The following ZBTB32 variants were observed in gnomAD, a reference collection of about 807,000 sequenced individuals.
ZBTB32 encodes zinc finger and BTB domain containing 32, also known as zinc finger and BTB domain-containing protein 32.
Under a neutral mutation model 45.3 loss-of-function variants are expected in ZBTB32, and 28 were observed. The observed-to-expected ratio is 0.62, with a 90% confidence interval of 0.46 to 0.85. ZBTB32 has a LOEUF of 0.85. Ranked by LOEUF, ZBTB32 falls within the 40% of genes least tolerant of loss-of-function variation. The pLI, the probability that ZBTB32 is intolerant of heterozygous loss-of-function variation, is 0.00. For synonymous variants in ZBTB32, 283 were observed against 255.7 expected (o/e 1.11, Z -1.02); for missense variants, 587 against 624.4 (o/e 0.94, Z 0.64).
rs756773522 is a variant in ZBTB32, at chr19:35,715,957, C to T, written c.974C>T (p.Pro325Leu). 1 of 1,613,600 alleles carries T rather than the reference C, an allele frequency of 6.2e-7. No homozygotes were observed. Among genetic ancestry groups the T allele is most frequent in the Non-Finnish European group, 8.5e-7 (1 of 1,179,908 alleles). Residue 325 changes from proline (P) to leucine (L), a missense_variant, in exon 5 of 7, where the codon CCC becomes CTC. Transcript: ENST00000392197. ...SPTPGSLPQG[P>L]AQLSPGEMEE... ...CTTCCAGGTTCCCTCCCCCAGGGCC[C>T]CGCACAGCTCAGCCCTGGGGAGATG... is the stretch of plus-strand genomic sequence containing the variant.
intron 2 of ZBTB32, among the ~76,000 whole-genome samples, chr19:35,713,933 T>C (rs1968777252): frequency 6.6e-6 from 1 of 152,264 alleles, no homozygotes; most frequent in Non-Finnish European, 1.5e-5. Flanking sequence ...CTCCTCTTTC[T>C]CTGGATGGGA....
At chr19:35,715,915 C>T (rs1031784115) in intron 4 of ZBTB32, 24 bp from the exon 5 acceptor site, 1 of 1,612,194 alleles carries the variant, frequency 6.2e-7, no homozygotes, top group Admixed American at 1.7e-5. Flanking sequence ...GAGCAGGGCC[C>T]CTACCTCCCA....
At position 35,716,313 on chromosome 19, in the gene ZBTB32, C is replaced by A; in HGVS notation, c.1189+16C>A. On this transcript the variant is annotated intron_variant, in intron 6 of 6. Coordinates refer to ENST00000392197, the MANE Select transcript of ZBTB32 (RefSeq NM_014383.3). ...GTCCACACAGGTATGGGCGCCCTGC[C>A]CTGTGTGAACTGTCGGCTTTCTTCC... The A allele has an allele frequency of 5.0e-6, 8 of 1,613,092 alleles. No homozygotes were observed. The highest frequency in any genetic ancestry group is 6.8e-6 in the Non-Finnish European group (8 of 1,179,444).
chr19:35,714,420 G>A (rs998590678), intron 2 of ZBTB32, 103 bp from the exon 3 acceptor site: 3 of 485,488 alleles, frequency 6.2e-6, no homozygotes, highest in African/African-American at 2.0e-5. Context: ...CTATGATTCT[G>A]GATAAGCTCC....
chr19:35,713,730 GTCTT>G (rs1293051914), intron 2 of ZBTB32, among the ~76,000 whole-genome samples: 5 of 152,258 alleles, frequency 3.3e-5, no homozygotes, highest in African/African-American at 1.2e-4. Context: ...GTTGGGTGCT[GTCTT>G]TCTATTCTTC....
intron 6 of ZBTB32, 56 bp from the exon 7 acceptor site, chr19:35,716,422 C>T: frequency 6.3e-7 from 1 of 1,584,254 alleles, no homozygotes; most frequent in Non-Finnish European, 8.6e-7. Context: ...CCTAACTTGG[C>T]CAGCTTTCGC....
chr19:35,710,514 T>C (rs1968659119), intron 1 of ZBTB32, among the ~76,000 whole-genome samples: 1 of 152,018 alleles, frequency 6.6e-6, no homozygotes, highest in East Asian at 1.9e-4. Context: ...CTCACACCTG[T>C]AATCCCAGCA....
rs374183044 is a variant in ZBTB32, at chr19:35,715,893, G to T, written c.956-46G>T. ...GTGTCTTCTCTGGGCTGGGGCTCGA[G>T]GAGTCCAGCCTGAGCAGGGCCCCTA... On this transcript the variant is annotated intron_variant, in intron 4 of 6. Transcript: ENST00000392197. 2.5e-5 allele frequency: 40 copies of T among 1,609,368 alleles called. No homozygotes were observed. In the African/African-American group the frequency reaches 3.9e-4, roughly 16 times the overall value.
chr19:35,710,207 T>C (rs1409614263), intron 1 of ZBTB32, among the ~76,000 whole-genome samples: 8 of 151,334 alleles, frequency 5.3e-5, no homozygotes, highest in Non-Finnish European at 1.0e-4. Flanking sequence ...TGAAACTCTG[T>C]CTCAAAAAAA....
intron 1 of ZBTB32, among the ~76,000 whole-genome samples, chr19:35,711,879 G>C (rs11666143): frequency 6.6e-6 from 1 of 152,148 alleles, no homozygotes. Flanking sequence ...ACAAAAATTA[G>C]CCGGGCGTGG....
chr19:35,715,683 G>A, intron 3 of ZBTB32, 74 bp from the exon 4 acceptor site: 1 of 1,518,240 alleles, frequency 6.6e-7, no homozygotes, highest in Non-Finnish European at 8.9e-7. Context: ...GAGGACTTGG[G>A]ATACCCCCTC....
At position 35,715,986 on chromosome 19, in the gene ZBTB32, G is replaced by T; in HGVS notation, c.1003G>T (p.Glu335Ter). The T allele has an allele frequency of 2.5e-6, 4 of 1,612,978 alleles. No individual in the cohort carries two copies. Among genetic ancestry groups the T allele is most frequent in the Non-Finnish European group, 3.4e-6 (4 of 1,179,966 alleles). ...ACAGCTCAGCCCTGGGGAGATGGAA[G>T]AGTCTGATCAGGGGCACACAGGTGA... ...PAQLSPGEME[E>*]SDQGHTGALA... Residue 335 changes from glutamate to a stop codon, truncating the protein, a stop_gained, in exon 5 of 7, where the codon GAG becomes TAG. Coordinates refer to ENST00000392197, the MANE Select transcript of ZBTB32 (RefSeq NM_014383.3). LOFTEE classifies it high-confidence loss of function.
Position 35,714,659 on chromosome 19 carries a change from C to T in ZBTB32, c.33C>T (p.Pro11=), listed in dbSNP as rs1398395413. The part of the protein sequence containing the change: MSLPPIRLPS[P]YGSDRLVQLA... ...TGCCCCCCATAAGACTGCCCAGCCC[C>T]TATGGCTCTGATCGGCTGGTACAGC... Residue 11 remains proline, a synonymous_variant, in exon 3 of 7, where the codon CCC becomes CCT. Coordinates refer to ENST00000392197, the MANE Select transcript of ZBTB32 (RefSeq NM_014383.3). The T allele has an allele frequency of 4.4e-6, 7 of 1,587,348 alleles. No individual in the cohort carries two copies. The highest frequency in any genetic ancestry group is 6.0e-6 in the Non-Finnish European group (7 of 1,163,892).
chr19:35,704,978 C>T (rs1366696421), intron 1 of ZBTB32, among the ~76,000 whole-genome samples: 3 of 152,172 alleles, frequency 2.0e-5, no homozygotes, highest in Non-Finnish European at 4.4e-5. Context: ...AGCCTGGATC[C>T]GGTGACTGAA....
chr19:35,706,358 C>A (rs1392621063), intron 1 of ZBTB32, among the ~76,000 whole-genome samples: 1 of 151,992 alleles, frequency 6.6e-6, no homozygotes, highest in African/African-American at 2.4e-5. Flanking sequence ...GGGGCAGGTG[C>A]ATGGGGAGGA....
intron 5 of ZBTB32, 50 bp downstream of exon 5, chr19:35,716,057 T>G (rs368121024): frequency 6.2e-7 from 1 of 1,611,250 alleles, no homozygotes; most frequent in Non-Finnish European, 8.5e-7. Flanking sequence ...AGCCCTTGAT[T>G]TCCTGCCTGA....
At chr19:35,709,057 T>C (rs1599648586) in intron 1 of ZBTB32, among the ~76,000 whole-genome samples, 1 of 152,284 alleles carries the variant, frequency 6.6e-6, no homozygotes, top group East Asian at 1.9e-4. Flanking sequence ...CGACCTCAGA[T>C]GATCCGCTTG....
intron 1 of ZBTB32, among the ~76,000 whole-genome samples, chr19:35,704,975 A>G (rs575332249): frequency 9.8e-5 from 15 of 152,324 alleles, no homozygotes; most frequent in African/African-American, 3.4e-4. Flanking sequence ...CTGAGCCTGG[A>G]TCCGGTGACT....
chr19:35,709,016 C>A (rs1248582979), intron 1 of ZBTB32, among the ~76,000 whole-genome samples: 1 of 152,046 alleles, frequency 6.6e-6, no homozygotes, highest in Non-Finnish European at 1.5e-5. Context: ...GACAGGGTTT[C>A]TCCATGTTGG....
Sources: allele counts gnomAD v4.1 joint callset (sites outside exome capture counted in the v4.1 genomes callset), GRCh38; gene constraint gnomAD v4.1.1; transcripts MANE v1.5; gene names NCBI Gene and HGNC (gene_info 2026-07-23, HGNC 2026-07-21).